TCF20: variants seen among roughly 807,000 people sequenced by gnomAD.
TCF20 encodes the protein SPRE-binding protein.
Under a neutral mutation model 148.6 loss-of-function variants are expected in TCF20, and 3 were observed. That is an observed-to-expected ratio of 0.02 (90% CI 0.01 to 0.05). The LOEUF is 0.05. Among genes scored for constraint, TCF20 ranks in the 10% least tolerant of loss-of-function variants. TCF20 has a pLI of 1.00. For synonymous variants in TCF20, 1,049 were observed against 909.5 expected (o/e 1.15, Z -2.76); for missense variants, 2,350 against 2,429.3 (o/e 0.97, Z 0.69).
At chr22:42,282,929 C>T (rs923423746) in intron 1 of TCF20, among the ~76,000 whole-genome samples, 2 of 152,248 alleles carry the variant, frequency 1.3e-5, no homozygotes, top group Non-Finnish European at 2.9e-5. Flanking sequence ...GGGCTCCCTC[C>T]GTGGGTCTGG....
chr22:42,280,605 C>T (rs1187854451), intron 1 of TCF20, among the ~76,000 whole-genome samples: 1 of 152,218 alleles, frequency 6.6e-6, no homozygotes, highest in Non-Finnish European at 1.5e-5. Flanking sequence ...GCAACTAGAA[C>T]ACAGCCTGCA....
intron 1 of TCF20, among the ~76,000 whole-genome samples, chr22:42,310,300 T>G (rs1361626576): frequency 6.6e-6 from 1 of 152,156 alleles, no homozygotes; most frequent in Non-Finnish European, 1.5e-5. Context: ...GCTAAGGGCC[T>G]ACTATGTGCC....
intron 2 of TCF20, among the ~76,000 whole-genome samples, chr22:42,201,533 T>G (rs1047371759): frequency 3.9e-5 from 6 of 152,132 alleles, no homozygotes; most frequent in Non-Finnish European, 8.8e-5. Context: ...TTCGGGAGGC[T>G]GAGGCAGACG....
intron 2 of TCF20, among the ~76,000 whole-genome samples, chr22:42,202,884 CGAGGCT>C (rs892136948): frequency 6.6e-6 from 1 of 152,168 alleles, no homozygotes; most frequent in Non-Finnish European, 1.5e-5. Flanking sequence ...GCTAAGGGGC[CGAGGCT>C]GAGGCTGAGT....
At position 42,214,619 on chromosome 22, in the gene TCF20, A is replaced by G. The variant is rs1470202871; in HGVS notation, c.687T>C (p.Gly229=). The G allele has an allele frequency of 6.2e-7, 1 of 1,613,978 alleles. No individual in the cohort carries two copies. The highest frequency in any genetic ancestry group is 8.5e-7 in the Non-Finnish European group (1 of 1,180,028). Reference sequence around the variant, plus strand: ...AAGACTGATAGTGTTGGCCAAACTGACCCACTCTTAACTGGTAACCAGCAG... The same window carrying G: ...AAGACTGATAGTGTTGGCCAAACTGGCCCACTCTTAACTGGTAACCAGCAG... ...SSAAGYQLRV[G]QFGQHYQSSA... Residue 229 remains glycine, a synonymous_variant, in exon 2 of 6, where the codon GGT becomes GGC. Transcript: ENST00000677622.
intron 2 of TCF20, among the ~76,000 whole-genome samples, chr22:42,196,151 C>T (rs560847374): frequency 6.6e-6 from 1 of 152,304 alleles, no homozygotes; most frequent in South Asian, 2.1e-4. Context: ...GAGGTCTGTC[C>T]TACCCTCAGT....
At chr22:42,269,458 C>T (rs1346887996) in intron 1 of TCF20, among the ~76,000 whole-genome samples, 1 of 152,206 alleles carries the variant, frequency 6.6e-6, no homozygotes, top group African/African-American at 2.4e-5. Flanking sequence ...GGCCGCTCCT[C>T]GGCACCGCCC....
At chr22:42,186,749 C>A (rs547634767) in intron 2 of TCF20, among the ~76,000 whole-genome samples, 1 of 152,310 alleles carries the variant, frequency 6.6e-6, no homozygotes, top group South Asian at 2.1e-4. Flanking sequence ...CATTGTATCT[C>A]CCCTCTCAAT....
chr22:42,296,706 G>A (rs1350139617), intron 1 of TCF20, among the ~76,000 whole-genome samples: 1 of 152,202 alleles, frequency 6.6e-6, no homozygotes, highest in African/African-American at 2.4e-5. Flanking sequence ...AGTGCGACAG[G>A]GCCAAGTTTC....
chr22:42,268,811 G>A (rs774965362), intron 1 of TCF20, among the ~76,000 whole-genome samples: 9 of 152,176 alleles, frequency 5.9e-5, no homozygotes, highest in Non-Finnish European at 1.2e-4. Flanking sequence ...AACAGCAAGT[G>A]GGATTTCAAA....
rs1464199075 is a variant in TCF20, at chr22:42,338,461, C to T, written c.-37+5018G>A. Among the ~76,000 whole-genome samples the T allele has an allele frequency of 1.3e-5, 2 of 152,216 alleles. No individual in the cohort carries two copies. ...GGCCTCAGCAGAGCCCCGTCCCTCC[C>T]GGCAGCCCGGCCTGCAGGGGCCACT... On this transcript the variant is annotated intron_variant, in intron 1 of 1. Coordinates refer to the TCF20 transcript ENST00000515426. This position sits in a 1 kb window ranked among gnomAD's most constrained non-coding sequence, Gnocchi z 4.0.
intron 1 of TCF20, among the ~76,000 whole-genome samples, chr22:42,283,507 C>A (rs984391779): frequency 3.9e-5 from 6 of 152,186 alleles, no homozygotes; most frequent in African/African-American, 1.4e-4. Flanking sequence ...CCCGAGCAGC[C>A]CCCTCGGGCC....
In TCF20 at chr22:42,323,277, C is replaced by T. The variant is rs4292170; in HGVS notation, c.-37+20202G>A. Reference sequence around the variant, plus strand: ...GATAACCCACTCCAGAACCCAAGCCCGGAAGGGTCTGAGCCTCGTGGAAGG... The same window carrying T: ...GATAACCCACTCCAGAACCCAAGCCTGGAAGGGTCTGAGCCTCGTGGAAGG... On this transcript the variant is annotated intron_variant, in intron 1 of 1. Coordinates refer to the TCF20 transcript ENST00000515426. Among the ~76,000 whole-genome samples, 896 of 150,908 alleles carry T rather than the reference C, an allele frequency of 5.9e-3. 14 individuals carry two copies. The highest frequency in any genetic ancestry group is 0.021 in the African/African-American group (852 of 41,256).
chr22:42,201,338 C>T (rs1938000214), intron 2 of TCF20, among the ~76,000 whole-genome samples: 1 of 152,120 alleles, frequency 6.6e-6, no homozygotes, highest in African/African-American at 2.4e-5. Context: ...TCAGTATATT[C>T]ACTGTTTTAG....
intron 2 of TCF20, among the ~76,000 whole-genome samples, chr22:42,183,577 A>T (rs1476815543): frequency 6.6e-6 from 1 of 152,164 alleles, no homozygotes; most frequent in Non-Finnish European, 1.5e-5. Flanking sequence ...GTTCTCCCCT[A>T]AGACTCTGGA....
intron 2 of TCF20, among the ~76,000 whole-genome samples, chr22:42,186,367 C>CTTT (rs1937045869): frequency 6.6e-6 from 1 of 152,096 alleles, no homozygotes; most frequent in Non-Finnish European, 1.5e-5. Context: ...TGTAAAATAA[C>CTTT]CATAAAAGTG....
At chr22:42,302,930 G>A (rs1450759382) in intron 1 of TCF20, among the ~76,000 whole-genome samples, 3 of 152,160 alleles carry the variant, frequency 2.0e-5, no homozygotes, top group African/African-American at 7.2e-5. Context: ...CACCACCACA[G>A]CCATTTATTG....
In TCF20 at chr22:42,324,128, TGGTGGTGGTGGTGGTGGTGATAGA is replaced by T. The variant is rs1569209911; in HGVS notation, c.-37+19327_-37+19350del. Reference sequence around the variant, plus strand: ...GTGGTGGTGGTGGTGGTGGTTATGGTGGTGGTGGTGGTGGTGGTGATAGAGGTTATGGTGATGGTGGTGGTGATG... The same window carrying T: ...GTGGTGGTGGTGGTGGTGGTTATGGTGGTTATGGTGATGGTGGTGGTGATG... On this transcript the variant is annotated intron_variant, in intron 1 of 1. Transcript: ENST00000515426. Among the ~76,000 whole-genome samples, 6 of 103,850 alleles carry T rather than the reference TGGTGGTGGTGGTGGTGGTGATAGA, an allele frequency of 5.8e-5. 1 individual carries two copies. The highest frequency in any genetic ancestry group is 2.7e-4 in the African/African-American group (6 of 22,266). The allele number at this position is 103,850 out of a possible 152,430, so 68.1% of individuals were successfully genotyped here.
intron 1 of TCF20, among the ~76,000 whole-genome samples, chr22:42,249,215 C>CT (rs1925164683): frequency 6.6e-6 from 1 of 152,208 alleles, no homozygotes; most frequent in Non-Finnish European, 1.5e-5. Flanking sequence ...ACACCATTAG[C>CT]TTCCCTGGTT....
Sources: gnomAD v4.1 joint callset for allele counts (sites outside exome capture counted in the v4.1 genomes callset) on GRCh38, gnomAD v4.1.1 for gene constraint, Gnocchi (gnomAD v3.1) non-coding constraint, MANE v1.5 for transcripts, NCBI Gene and HGNC (gene_info 2026-07-23, HGNC 2026-07-21) for gene names.